Variants in RHOBTB3 observed in about 807,000 individuals in gnomAD.
RHOBTB3 encodes the protein rho-related BTB domain-containing protein 3.
Under a neutral mutation model 67.2 loss-of-function variants are expected in RHOBTB3, and 47 were observed. That is an observed-to-expected ratio of 0.70 (90% CI 0.55 to 0.89). The LOEUF is 0.89. RHOBTB3 is among the 40% of genes least tolerant of loss of function. The probability of loss-of-function intolerance (pLI) is 0.00; values close to 1 mark genes in which losing one functional copy is unlikely to be tolerated. For missense variants in RHOBTB3, 631 were observed against 750.0 expected (o/e 0.84, Z 1.85); for synonymous variants, 273 against 274.2 (o/e 1.00, Z 0.04).
In RHOBTB3 at chr5:95,733,197, A is replaced by C. The variant is rs559859380; in HGVS notation, c.228+1113A>C. On this transcript the variant is annotated intron_variant, in intron 2 of 11. Transcript: ENST00000379982. ...TTATGTTAATTTGGTAAAATAAAAA[A>C]CAGGCCTTTTCAATTAAGAGATACT... Among the ~76,000 whole-genome samples, 186 of 152,322 alleles carry C rather than the reference A, an allele frequency of 1.2e-3. 1 individual carries two copies. The highest frequency in any genetic ancestry group is 4.1e-4 in the Non-Finnish European group (28 of 68,034).
intron 2 of RHOBTB3, 103 bp downstream of exon 2, chr5:95,732,187 G>A (rs1391718491): frequency 1.0e-6 from 1 of 1,002,090 alleles, no homozygotes; most frequent in African/African-American, 1.6e-5. Flanking sequence ...GAGTGTCCGC[G>A]TTACATGGGT....
rs115131478 is a variant in RHOBTB3 at position 95,784,895 on chromosome 5, T to G, written c.1623+932T>G. On this transcript the variant is annotated intron_variant, in intron 10 of 11. Coordinates refer to ENST00000379982, the MANE Select transcript of RHOBTB3 (RefSeq NM_014899.4). Reference sequence around the variant, plus strand: ...TTGTGGTAGTTATGGCACACTCTTGTGTACTCAACTTGTGGTAAGCCGAGC... The same window carrying G: ...TTGTGGTAGTTATGGCACACTCTTGGGTACTCAACTTGTGGTAAGCCGAGC... Among the ~76,000 whole-genome samples the G allele has an allele frequency of 5.9e-3, 900 of 152,356 alleles. 12 individuals carry two copies. Among genetic ancestry groups the G allele is most frequent in the African/African-American group, 0.021 (862 of 41,576 alleles).
chr5:95,737,126 C>T (rs1239628383), intron 3 of RHOBTB3, 51 bp downstream of exon 3: 6 of 1,210,890 alleles, frequency 5.0e-6, no homozygotes, highest in Admixed American at 2.2e-5. Flanking sequence ...ATTATATATA[C>T]TTTAAATAGT....
At chr5:95,741,276 C>T (rs528921499) in intron 3 of RHOBTB3, among the ~76,000 whole-genome samples, 4 of 149,240 alleles carry the variant, frequency 2.7e-5, no homozygotes, top group South Asian at 2.1e-4. Flanking sequence ...TACAGTGAAC[C>T]GAGATCGCAC....
intron 8 of RHOBTB3, among the ~76,000 whole-genome samples, chr5:95,779,765 A>G (rs1745995768): frequency 6.6e-6 from 1 of 152,020 alleles, no homozygotes; most frequent in Admixed American, 6.6e-5. Context: ...TGCTATTCCT[A>G]CTGTGGTGTA....
chr5:95,762,483 G>A (rs1371707989), intron 6 of RHOBTB3, among the ~76,000 whole-genome samples: 1 of 152,192 alleles, frequency 6.6e-6, no homozygotes, highest in African/African-American at 2.4e-5. Context: ...GAAATGAACT[G>A]AGAGCAGATA....
chr5:95,761,220 T>C (rs2112806481), intron 6 of RHOBTB3, among the ~76,000 whole-genome samples: 1 of 152,330 alleles, frequency 6.6e-6, no homozygotes, highest in East Asian at 1.9e-4. Context: ...ACAGAGACAG[T>C]ACTTATGTTC....
chr5:95,783,732 G>T lies in RHOBTB3; in HGVS notation c.1457-65G>T, dbSNP rs1341177122. On this transcript the variant is annotated intron_variant, in intron 9 of 11. Transcript: ENST00000379982. ...TAATTGTTGTTTTTTGTTGGTGGGG[G>T]GTGTTTAGATCATTAAAGAAATGGT... 4 of 1,351,196 alleles carry T rather than the reference G, an allele frequency of 3.0e-6. No individual in the cohort carries two copies. In the Admixed American group the frequency reaches 5.3e-5, roughly 18 times the overall value. The allele number at this position is 1,351,196 out of a possible 1,614,324, so 83.7% of individuals were successfully genotyped here. A position where few individuals can be genotyped will look rare whatever the true frequency, so the allele number is the denominator to read the frequency against.
chr5:95,775,722 A>G (rs1335396275), intron 8 of RHOBTB3, among the ~76,000 whole-genome samples: 2 of 152,104 alleles, frequency 1.3e-5, no homozygotes, highest in Non-Finnish European at 2.9e-5. Flanking sequence ...GGGGGCTGTA[A>G]ATGGGAATAG....
chr5:95,789,795 T>A lies in RHOBTB3; in HGVS notation c.1720+937T>A, dbSNP rs376411431. ...TCATAGTAGTTCCACTTTATCTGTTTCATATCTTGAGTTCTACCTAAAATT... is the reference window on the plus strand; with the variant it reads ...TCATAGTAGTTCCACTTTATCTGTTACATATCTTGAGTTCTACCTAAAATT... On this transcript the variant is annotated intron_variant, in intron 11 of 11. Coordinates refer to ENST00000379982, the MANE Select transcript of RHOBTB3 (RefSeq NM_014899.4). The A allele has an allele frequency of 7.9e-5, 12 of 152,318 alleles. No individual in the cohort carries two copies. The East Asian group carries it at 1.7e-3, about 22-fold the overall frequency. The allele number at this position is 152,318 out of a possible 1,614,324, so 9.4% of individuals were successfully genotyped here.
intron 6 of RHOBTB3, among the ~76,000 whole-genome samples, chr5:95,761,280 T>G (rs924476162): frequency 6.6e-6 from 1 of 152,076 alleles, no homozygotes; most frequent in Non-Finnish European, 1.5e-5. Context: ...CATGTTCCCT[T>G]TCCTGCATAC....
chr5:95,776,995 T>G (rs1189475183), intron 8 of RHOBTB3, among the ~76,000 whole-genome samples: 2 of 152,192 alleles, frequency 1.3e-5, no homozygotes, highest in African/African-American at 4.8e-5. Flanking sequence ...TAGCCTAGGA[T>G]AGAAAATGGG....
intron 1 of RHOBTB3, among the ~76,000 whole-genome samples, chr5:95,724,830 T>C (rs1260381076): frequency 1.3e-5 from 2 of 152,160 alleles, no homozygotes; most frequent in Non-Finnish European, 2.9e-5. Context: ...GAGAATTAAA[T>C]GAGTCAAAAT....
intron 10 of RHOBTB3, 87 bp from the exon 11 acceptor site, chr5:95,788,675 C>T (rs1445082782): frequency 3.2e-5 from 27 of 846,058 alleles, no homozygotes; most frequent in East Asian, 8.3e-5. Flanking sequence ...ATGGGCTCTC[C>T]GTGATTGCTC....
chr5:95,731,898 A>T lies in RHOBTB3; in HGVS notation c.42A>T (p.Thr14=), dbSNP rs368063606. The change falls in exon 2 of 12, where the codon ACA becomes ACT. Residue 14 remains threonine (T), a synonymous_variant. Transcript: ENST00000379982. ...TGGCGCTGGGGAACGAGGGGGACAC[A>T]TTCCACCAGGACAACCGGCCGTCGG... The part of the protein sequence containing the change: ...HIVALGNEGD[T]FHQDNRPSGL... 9 of 1,613,880 alleles carry T rather than the reference A, an allele frequency of 5.6e-6. No homozygotes were observed. Among genetic ancestry groups the T allele is most frequent in the Non-Finnish European group, 7.6e-6 (9 of 1,179,974 alleles).
chr5:95,731,121 TATTA>T (rs1472433779), upstream of RHOBTB3: 4 of 1,049,496 alleles, frequency 3.8e-6, no homozygotes, highest in Non-Finnish European at 4.6e-6. Flanking sequence ...GCGTTGTATT[TATTA>T]ATTTATATTC....
chr5:95,773,696 T>C (rs1745787155), intron 8 of RHOBTB3, among the ~76,000 whole-genome samples: 1 of 152,228 alleles, frequency 6.6e-6, no homozygotes. Flanking sequence ...ACTTGCAGGG[T>C]AGCAGTGAGA....
rs538521848 is a variant in RHOBTB3 at position 95,737,539 on chromosome 5, G to A, written c.415+464G>A. 2.6e-5 allele frequency among the ~76,000 whole-genome samples: 4 copies of A among 152,282 alleles called. No individual in the cohort carries two copies. In the East Asian group the frequency reaches 7.7e-4, roughly 29 times the overall value. ...TAAAAGAAAGGATTGCTTATTCCAT[G>A]GCTGATAGATTCATTGGGTTCAGGC... On this transcript the variant is annotated intron_variant, in intron 3 of 11. Coordinates refer to ENST00000379982, the MANE Select transcript of RHOBTB3 (RefSeq NM_014899.4).
At chr5:95,758,192 A>T (rs1333070034) in intron 6 of RHOBTB3, among the ~76,000 whole-genome samples, 1 of 152,156 alleles carries the variant, frequency 6.6e-6, no homozygotes, top group Non-Finnish European at 1.5e-5. Flanking sequence ...GCTTTCTCCT[A>T]GGGGGAGTGC....
Sources: allele counts gnomAD v4.1 joint callset (sites outside exome capture counted in the v4.1 genomes callset), GRCh38; gene constraint gnomAD v4.1.1; transcripts MANE v1.5; gene names NCBI Gene and HGNC (gene_info 2026-07-23, HGNC 2026-07-21).